The following ECT2 variants were observed in gnomAD, a reference collection of about 807,000 sequenced individuals.
ECT2 encodes protein ECT2.
Under a neutral mutation model 116.9 loss-of-function variants are expected in ECT2, and 61 were observed. That is an observed-to-expected ratio of 0.52 (90% confidence interval 0.42 to 0.65). The LOEUF is 0.65. Among genes scored for constraint, ECT2 ranks in the 30% least tolerant of loss-of-function variants. ECT2 has a pLI of 0.00. For synonymous variants in ECT2, 358 were observed against 346.4 expected (o/e 1.03, Z -0.37); for missense variants, 937 against 1,078.7 (o/e 0.87, Z 1.84).
At chr3:172,768,929 T>C in intron 12 of ECT2, 78 bp from the exon 13 acceptor site, 1 of 1,406,224 alleles carries the variant, frequency 7.1e-7, no homozygotes, top group Non-Finnish European at 9.5e-7. Context: ...TTCTCTCCTT[T>C]TTATCTTGTT....
Position 172,783,912 on chromosome 3 carries a change from A to T in ECT2, c.1728+3A>T. ...CAAGATTTCATGCTTTTCTCAAGGT[A>T]ATGTGTGTTTCTTTCAAATAAAAAT... On this transcript the variant is annotated splice_donor_region_variant and intron_variant, in intron 16 of 24. Transcript: ENST00000392692. 6.5e-7 allele frequency: 1 copy of T among 1,531,976 alleles called. No individual in the cohort carries two copies. The highest frequency in any genetic ancestry group is 8.9e-7 in the Non-Finnish European group (1 of 1,122,954). 94.9% of individuals were successfully genotyped at this position (1,531,976 alleles called of 1,614,324 possible). A position where few individuals can be genotyped will look rare whatever the true frequency, so the allele number is the denominator to read the frequency against.
intron 1 of ECT2, 35 bp from the exon 2 acceptor site, chr3:172,754,474 G>A (rs1194441770): frequency 3.4e-6 from 5 of 1,457,222 alleles, no homozygotes; most frequent in Non-Finnish European, 4.6e-6. Flanking sequence ...CAATGACCAT[G>A]TTTATGTATT....
In ECT2 at chr3:172,815,584, A is replaced by G; in HGVS notation, c.2401-20A>G. On this transcript the variant is annotated intron_variant, in intron 22 of 24. Transcript: ENST00000392692. ...CAGTTGTGTGTTTTTAAGATAACAA[A>G]AAGTATTATTTTTCAATAGGAGAAT... 8 of 1,451,230 alleles carry G rather than the reference A, an allele frequency of 5.5e-6. No homozygotes were observed. Among genetic ancestry groups the G allele is most frequent in the Non-Finnish European group, 7.6e-6 (8 of 1,056,706 alleles). 89.9% of individuals were successfully genotyped at this position (1,451,230 alleles called of 1,614,324 possible).
intron 14 of ECT2, among the ~76,000 whole-genome samples, chr3:172,780,706 C>T (rs993078690): frequency 2.6e-5 from 4 of 152,096 alleles, no homozygotes; most frequent in Non-Finnish European, 1.5e-5. Context: ...TCTCCACATT[C>T]TTTAAAAACA....
chr3:172,787,181 T>C (rs1487067818), intron 18 of ECT2, among the ~76,000 whole-genome samples: 1 of 152,164 alleles, frequency 6.6e-6, no homozygotes, highest in East Asian at 1.9e-4. Flanking sequence ...ATTAACTGTT[T>C]CTGGTTTGCC....
chr3:172,797,722 C>T (rs895190324), intron 18 of ECT2, among the ~76,000 whole-genome samples: 4 of 151,994 alleles, frequency 2.6e-5, no homozygotes. Context: ...TGATAACTGG[C>T]CTAAGAAACA....
At chr3:172,752,520 G>A (rs1356821350) in intron 1 of ECT2, 1 of 151,764 alleles carries the variant, frequency 6.6e-6, no homozygotes, top group Non-Finnish European at 1.5e-5. Flanking sequence ...TTCTTTTAAG[G>A]GGACTTTGAA....
chr3:172,766,683 A>G (rs775733637), intron 12 of ECT2, among the ~76,000 whole-genome samples: 2 of 152,212 alleles, frequency 1.3e-5, no homozygotes, highest in Admixed American at 6.5e-5. Context: ...TGGATAGGAA[A>G]TTTATATTTT....
chr3:172,755,923 T>C (rs1031837405), intron 4 of ECT2, among the ~76,000 whole-genome samples: 18 of 152,190 alleles, frequency 1.2e-4, no homozygotes, highest in Non-Finnish European at 1.5e-5. Context: ...TAGAAATTTC[T>C]TTTCTCACAG....
chr3:172,791,363 A>G lies in ECT2; in HGVS notation c.1907+4789A>G, dbSNP rs1204632437. Among the ~76,000 whole-genome samples, 3 of 152,218 alleles carry G rather than the reference A, an allele frequency of 2.0e-5. No individual in the cohort carries two copies. In the East Asian group the frequency reaches 5.8e-4, roughly 29 times the overall value. ...GCCTGTCCTTTGAAGCTCTGAAACC[A>G]GGTATTGACTTCTCTCTAGCTGTGA... On this transcript the variant is annotated intron_variant, in intron 18 of 24. Coordinates refer to ENST00000392692, the MANE Select transcript of ECT2 (RefSeq NM_001258315.2).
chr3:172,802,831 T>A (rs1470693952), intron 19 of ECT2, 30 bp from the exon 20 acceptor site: 2 of 1,589,012 alleles, frequency 1.3e-6, no homozygotes, highest in Non-Finnish European at 1.7e-6. Context: ...TACCAAGTGA[T>A]CTCTTTTGTT....
At chr3:172,797,295 A>G (rs1377969614) in intron 18 of ECT2, among the ~76,000 whole-genome samples, 2 of 151,888 alleles carry the variant, frequency 1.3e-5, no homozygotes, top group Admixed American at 6.6e-5. Context: ...TAGGTCTCCC[A>G]AAGTGCTGGG....
the ECT2 span, chr3:172,828,891 T>C: frequency 7.1e-7 from 1 of 1,412,816 alleles, no homozygotes; most frequent in Non-Finnish European, 9.8e-7. Flanking sequence ...GCATAGCCAA[T>C]GATCAAGCTG....
Position 172,762,891 on chromosome 3 carries a change from T to C in ECT2, c.1006-19T>C, listed in dbSNP as rs1418996923. ...AATAAATGTAAACTGTTTATTAAAA[T>C]GTTTTTTCTCTCACCTAGTGGTTCT... On this transcript the variant is annotated intron_variant, in intron 10 of 24. Transcript: ENST00000392692. 21 of 1,612,968 alleles carry C rather than the reference T, an allele frequency of 1.3e-5. No homozygotes were observed. The highest frequency in any genetic ancestry group is 1.7e-5 in the Non-Finnish European group (20 of 1,179,530).
the ECT2 span, chr3:172,828,809 A>G: frequency 1.4e-6 from 1 of 736,304 alleles, no homozygotes; most frequent in Non-Finnish European, 2.3e-6. Flanking sequence ...AACGCCCAGA[A>G]TGGCATAGGA....
chr3:172,753,323 C>T (rs1345573230), intron 1 of ECT2, among the ~76,000 whole-genome samples: 1 of 152,122 alleles, frequency 6.6e-6, no homozygotes, highest in Admixed American at 6.5e-5. Flanking sequence ...GTGTTGAAGT[C>T]CTGCCCTCAA....
Position 172,754,807 on chromosome 3 carries a change from T to C in ECT2, c.130+147T>C, listed in dbSNP as rs1031013098. The C allele has an allele frequency of 1.9e-5, 12 of 643,520 alleles. No individual in the cohort carries two copies. In the African/African-American group the frequency reaches 2.2e-4, roughly 12 times the overall value. The allele number at this position is 643,520 out of a possible 1,614,324, so 39.9% of individuals were successfully genotyped here. A position where few individuals can be genotyped will look rare whatever the true frequency, so the allele number is the denominator to read the frequency against. The stretch of plus-strand genomic sequence containing the variant: ...ATTTGTTTACAGAATCCTTTTACAC[T>C]ATGTCATTTTTCTGATTATTATTTG... On this transcript the variant is annotated intron_variant, in intron 2 of 24. Coordinates refer to ENST00000392692, the MANE Select transcript of ECT2 (RefSeq NM_001258315.2).
chr3:172,772,496 G>A (rs1230600315), intron 13 of ECT2, among the ~76,000 whole-genome samples: 1 of 152,128 alleles, frequency 6.6e-6, no homozygotes. Flanking sequence ...GTGCCCGGCC[G>A]AGAATTCTTT....
rs753291957 is a variant in ECT2 at position 172,769,086 on chromosome 3, A to C, written c.1371A>C (p.Ala457=). 1 of 1,613,398 alleles carries C rather than the reference A, an allele frequency of 6.2e-7. No homozygotes were observed. Among genetic ancestry groups the C allele is most frequent in the Non-Finnish European group, 8.5e-7 (1 of 1,179,602 alleles). ...PSKQSARWQV[A]KELYQTESNY... ...AGCAGTCAGCAAGGTGGCAAGTTGC[A>C]AAAGAGCTTTATCAAACTGAAAGTA... The change falls in exon 13 of 25, where the codon GCA becomes GCC. Residue 457 remains alanine (A), a synonymous_variant. Transcript: ENST00000392692.
Sources: gnomAD v4.1 joint callset for allele counts (sites outside exome capture counted in the v4.1 genomes callset) on GRCh38, gnomAD v4.1.1 for gene constraint, MANE v1.5 for transcripts, NCBI Gene and HGNC (gene_info 2026-07-23, HGNC 2026-07-21) for gene names.